The following LPAR6 variants were observed in gnomAD, a reference collection of about 807,000 sequenced individuals.
LPAR6 encodes the protein lysophosphatidic acid receptor 6, also known as G-protein coupled purinergic receptor P2Y5.
LPAR6 carries 17 observed loss-of-function variants against 22.0 expected under a neutral mutation model. That is an observed-to-expected ratio of 0.77 (90% CI 0.53 to 1.16). The LOEUF (loss-of-function observed/expected upper bound fraction) is 1.16, where lower values mean the gene tolerates loss of function less well. LPAR6 is among the 50% of genes most tolerant of loss of function. LPAR6 has a pLI of 0.00. For synonymous variants in LPAR6, 136 were observed against 139.8 expected, an observed-to-expected ratio of 0.97 and a Z score of 0.19; for missense variants, 384 against 406.9, an observed-to-expected ratio of 0.94 and a Z score of 0.48.
At chr13:48,396,280 T>C (rs998789154) in intron 1 of LPAR6, among the ~76,000 whole-genome samples, 5 of 152,122 alleles carry the variant, frequency 3.3e-5, no homozygotes, top group African/African-American at 1.2e-4. Context: ...AACAGCATGG[T>C]ACTGGTACCA....
intron 2 of LPAR6, chr13:48,422,565 T>A (rs1193306957): frequency 6.6e-6 from 1 of 152,154 alleles, no homozygotes; most frequent in Non-Finnish European, 1.5e-5. Context: ...GTTGCCATAA[T>A]GACCTTGTAG....
intron 1 of LPAR6, among the ~76,000 whole-genome samples, chr13:48,404,866 C>T (rs1948726026): frequency 6.6e-6 from 1 of 152,000 alleles, no homozygotes; most frequent in East Asian, 1.9e-4. Flanking sequence ...ATTATAAAAG[C>T]TTCCAGAGAG....
chr13:48,397,725 A>T (rs1442637306), intron 1 of LPAR6, among the ~76,000 whole-genome samples: 1 of 152,216 alleles, frequency 6.6e-6, no homozygotes, highest in Non-Finnish European at 1.5e-5. Context: ...TATGAGTATA[A>T]TTTGTAATGA....
chr13:48,413,331 G>A (rs1273007974), upstream of LPAR6, among the ~76,000 whole-genome samples: 1 of 152,180 alleles, frequency 6.6e-6, no homozygotes, highest in Non-Finnish European at 1.5e-5. Flanking sequence ...GCCTTCTGCG[G>A]TGCTGGCAAC....
intron 2 of LPAR6, among the ~76,000 whole-genome samples, chr13:48,422,093 A>AATATTAT (rs1949014660): frequency 1.3e-5 from 2 of 152,228 alleles, no homozygotes; most frequent in Admixed American, 6.5e-5. Flanking sequence ...CAGTATTTAC[A>AATATTAT]ATAGCAAAGA....
Position 48,412,544 on chromosome 13 carries a change from G to A in LPAR6, c.-121C>T. 1.4e-6 allele frequency: 1 copy of A among 735,560 alleles called. No individual in the cohort carries two copies. Among genetic ancestry groups the A allele is most frequent in the Admixed American group, 2.1e-5 (1 of 46,774 alleles). The allele number at this position is 735,560 out of a possible 1,614,324, so 45.6% of individuals were successfully genotyped here. A position where few individuals can be genotyped will look rare whatever the true frequency, so the allele number is the denominator to read the frequency against. ...TTGCAAATTATCTGGATCTTTGGAT[G>A]GTTTTATAAATATTTCCTTTTTCTC... On this transcript the variant is annotated 5_prime_UTR_variant, in exon 1 of 1. Coordinates refer to ENST00000620633, the MANE Select transcript of LPAR6 (RefSeq NM_001162498.3).
At chr13:48,416,610 G>A (rs1166918706), upstream of LPAR6, 2 of 152,340 alleles carry the variant, frequency 1.3e-5, no homozygotes, top group Non-Finnish European at 1.5e-5. Context: ...TGGAACAGGG[G>A]CTGAAGCCAG....
At chr13:48,433,836 C>G (rs1221015520) in intron 1 of LPAR6, among the ~76,000 whole-genome samples, 1 of 151,884 alleles carries the variant, frequency 6.6e-6, no homozygotes, top group African/African-American at 2.4e-5. Context: ...TGAGAAGAAG[C>G]ATATCTTACA....
upstream of LPAR6, among the ~76,000 whole-genome samples, chr13:48,415,030 C>T (rs1223372526): frequency 1.3e-5 from 2 of 151,840 alleles, no homozygotes; most frequent in Non-Finnish European, 2.9e-5. Flanking sequence ...TTTAAAAAAA[C>T]AAAATCTTAG....
chr13:48,434,292 T>C (rs941447378), intron 1 of LPAR6, among the ~76,000 whole-genome samples: 4 of 151,884 alleles, frequency 2.6e-5, no homozygotes, highest in African/African-American at 7.3e-5. Flanking sequence ...ATTTAATAAA[T>C]AAATAAATAA....
Position 48,412,127 on chromosome 13 carries a change from G to T in LPAR6, c.297C>A (p.Asn99Lys). 1 of 1,613,746 alleles carries T rather than the reference G, an allele frequency of 6.2e-7. No homozygotes were observed. The highest frequency in any genetic ancestry group is 8.5e-7 in the Non-Finnish European group (1 of 1,179,880). ...CKISVMLFYTNMYGSILFLTC... is the reference protein window; with the variant it reads ...CKISVMLFYTKMYGSILFLTC... ...TTAAGAACAGAATGCTTCCGTACAT[G>T]TTGGTATAAAACAGCATCACAGAAA... is the stretch of plus-strand genomic sequence containing the variant. The change falls in exon 1 of 1, where the codon AAC becomes AAA. Residue 99 changes from asparagine (N) to lysine (K), a missense_variant. Asn to Lys is a moderately conservative substitution (Grantham distance 94, BLOSUM62 0). Coordinates refer to ENST00000620633, the MANE Select transcript of LPAR6 (RefSeq NM_001162498.3).
At chr13:48,443,039 A>G (rs1413608303) in intron 1 of LPAR6, among the ~76,000 whole-genome samples, 3 of 152,112 alleles carry the variant, frequency 2.0e-5, no homozygotes, top group African/African-American at 7.2e-5. Context: ...ATTTTAAGAC[A>G]TTTAATTAAT....
At chr13:48,404,406 G>A (rs1435801236) in intron 1 of LPAR6, 1 of 150,348 alleles carries the variant, frequency 6.7e-6, no homozygotes, top group African/African-American at 2.4e-5. Context: ...AGAAAGACCA[G>A]AGGAAATGGA....
Position 48,411,409 on chromosome 13 carries a change from C to A in LPAR6, c.1015G>T (p.Asp339Tyr). Residue 339 changes from aspartate to tyrosine, a missense_variant, in exon 1 of 1, where the codon GAC (aspartate) becomes TAC (tyrosine). By Grantham distance (160) the Asp-to-Tyr change is radical (BLOSUM62 -3). Coordinates refer to ENST00000620633, the MANE Select transcript of LPAR6 (RefSeq NM_001162498.3). ...NLQTLKSKIF[D>Y]NESAA Reference sequence around the variant, plus strand: ...TTATTTCAGGCAGCAGATTCATTGTCAAATATCTTACTTTTTAAGGTCTGT... The same window carrying A: ...TTATTTCAGGCAGCAGATTCATTGTAAAATATCTTACTTTTTAAGGTCTGT... The A allele has an allele frequency of 6.2e-7, 1 of 1,611,954 alleles. No homozygotes were observed. Among genetic ancestry groups the A allele is most frequent in the South Asian group, 1.1e-5 (1 of 90,954 alleles).
In LPAR6 at chr13:48,412,871, A is replaced by G. The variant is rs547085834; in HGVS notation, c.-448T>C. On this transcript the variant is annotated 5_prime_UTR_variant, in exon 1 of 1. Transcript: ENST00000620633. ...TGCCTCAGAATGTTAAGCTTAAGTTATCAATCTTATTTTCTTTTCAGTGCA... is the reference window on the plus strand; with the variant it reads ...TGCCTCAGAATGTTAAGCTTAAGTTGTCAATCTTATTTTCTTTTCAGTGCA... 4 of 185,170 alleles carry G rather than the reference A, an allele frequency of 2.2e-5. No homozygotes were observed. In the South Asian group the frequency reaches 5.3e-4, roughly 25 times the overall value. 11.5% of individuals were successfully genotyped at this position (185,170 alleles called of 1,614,324 possible).
downstream of LPAR6, among the ~76,000 whole-genome samples, chr13:48,409,701 C>A (rs555488346): frequency 6.6e-6 from 1 of 151,206 alleles, no homozygotes; most frequent in African/African-American, 2.4e-5. Context: ...CTGCCTCTGC[C>A]TCCCGAGTAG....
At chr13:48,406,715 G>C (rs1030296340), downstream of LPAR6, 1 of 152,264 alleles carries the variant, frequency 6.6e-6, no homozygotes, top group Admixed American at 6.5e-5. Flanking sequence ...TTTGCCTGTG[G>C]TGCTTGCCTT....
upstream of LPAR6, among the ~76,000 whole-genome samples, chr13:48,414,207 G>A (rs970114026): frequency 5.3e-5 from 8 of 151,880 alleles, no homozygotes; most frequent in African/African-American, 1.9e-4. Flanking sequence ...ACTAGCCTAG[G>A]GCAATAGTGC....
chr13:48,417,657 C>T (rs1206543555), upstream of LPAR6, among the ~76,000 whole-genome samples: 3 of 151,914 alleles, frequency 2.0e-5, no homozygotes, highest in Admixed American at 1.3e-4. Flanking sequence ...AGAGGAATTG[C>T]TACCTAAAAT....
Sources: gnomAD v4.1 joint callset for allele counts (sites outside exome capture counted in the v4.1 genomes callset) on GRCh38, gnomAD v4.1.1 for gene constraint, MANE v1.5 for transcripts, NCBI Gene and HGNC (gene_info 2026-07-23, HGNC 2026-07-21) for gene names.